The following SOX5 variants were observed in gnomAD, a reference collection of about 807,000 sequenced individuals.
SOX5 encodes the protein SRY-box transcription factor 5, also known as transcription factor SOX-5.
A neutral mutation model predicts 92.0 loss-of-function variants in SOX5; 9 were observed. That is an observed-to-expected ratio of 0.10 (90% CI 0.06 to 0.17). SOX5 has a LOEUF of 0.17. Among genes scored for constraint, SOX5 ranks in the 10% least tolerant of loss-of-function variants. The pLI is 1.00. For synonymous variants in SOX5, 344 were observed against 336.3 expected, an observed-to-expected ratio of 1.02 and a Z score of -0.25; for missense variants, 642 against 944.5, an observed-to-expected ratio of 0.68 and a Z score of 4.20.
chr12:24,014,423 T>C (rs1368767849), intron 4 of SOX5, among the ~76,000 whole-genome samples: 1 of 152,220 alleles, frequency 6.6e-6, no homozygotes, highest in Non-Finnish European at 1.5e-5. Context: ...TTTTAGCCTC[T>C]TTCAGTTCCT....
At chr12:23,565,825 A>G (rs1217820629) in intron 10 of SOX5, among the ~76,000 whole-genome samples, 1 of 152,198 alleles carries the variant, frequency 6.6e-6, no homozygotes, top group Non-Finnish European at 1.5e-5. Flanking sequence ...ACAACATTCA[A>G]TCTTAATATG....
intron 4 of SOX5, among the ~76,000 whole-genome samples, chr12:24,144,426 C>T (rs1388775403): frequency 3.9e-5 from 6 of 152,106 alleles, no homozygotes; most frequent in Admixed American, 3.3e-4. Context: ...TTTAAACCTA[C>T]CTAAAAGATA....
At chr12:23,987,567 C>T (rs746520967) in intron 4 of SOX5, among the ~76,000 whole-genome samples, 15 of 152,172 alleles carry the variant, frequency 9.9e-5, no homozygotes, top group African/African-American at 1.4e-4. Flanking sequence ...CCAAGGTGGG[C>T]GGATAGCTTT....
intron 6 of SOX5, among the ~76,000 whole-genome samples, chr12:23,724,424 T>C (rs1194605165): frequency 6.6e-6 from 1 of 152,176 alleles, no homozygotes; most frequent in Non-Finnish European, 1.5e-5. Context: ...GGCTGCTCCT[T>C]CTTCTTACCA....
At chr12:24,493,204 A>G (rs1947268485) in intron 1 of SOX5, among the ~76,000 whole-genome samples, 1 of 152,168 alleles carries the variant, frequency 6.6e-6, no homozygotes, top group Non-Finnish European at 1.5e-5. Flanking sequence ...GTCTCTTACC[A>G]GTTTTTTCTA....
At chr12:24,113,921 G>A (rs1292859783) in intron 4 of SOX5, among the ~76,000 whole-genome samples, 2 of 152,202 alleles carry the variant, frequency 1.3e-5, no homozygotes, top group African/African-American at 2.4e-5. Flanking sequence ...CTTTACCACT[G>A]CATGCATGTT....
At chr12:24,061,493 A>C (rs919458323) in intron 4 of SOX5, among the ~76,000 whole-genome samples, 1 of 151,226 alleles carries the variant, frequency 6.6e-6, no homozygotes, top group African/African-American at 2.5e-5. Context: ...CCAGGCAGAA[A>C]TAACATTTAA....
At position 23,533,924 on chromosome 12, in the gene SOX5, G is replaced by A; in HGVS notation, c.*295C>T. On this transcript the variant is annotated 3_prime_UTR_variant, in exon 15 of 15. Coordinates refer to ENST00000451604, the MANE Select transcript of SOX5 (RefSeq NM_006940.6). ...AAAGTTTATTTAAAAAAAAAAAAAA[G>A]TTGACGGGTAAGACTTCAGTGCTTG... is the stretch of plus-strand genomic sequence containing the variant. The A allele has an allele frequency of 4.4e-6, 1 of 229,146 alleles. No individual in the cohort carries two copies. The highest frequency in any genetic ancestry group is 8.6e-6 in the Non-Finnish European group (1 of 116,722). The allele number at this position is 229,146 out of a possible 1,614,324, so 14.2% of individuals were successfully genotyped here. A position where few individuals can be genotyped will look rare whatever the true frequency, so the allele number is the denominator to read the frequency against.
chr12:24,031,830 A>C (rs543960052), intron 4 of SOX5, among the ~76,000 whole-genome samples: 3 of 151,968 alleles, frequency 2.0e-5, no homozygotes, highest in African/African-American at 7.2e-5. Flanking sequence ...GCAAGAACTA[A>C]GGCAGGAGTG....
intron 1 of SOX5, among the ~76,000 whole-genome samples, chr12:24,397,283 T>A (rs989450601): frequency 2.6e-5 from 4 of 152,150 alleles, no homozygotes; most frequent in African/African-American, 9.7e-5. Context: ...TATTTCCATA[T>A]ATCAAATCCC....
At chr12:24,525,509 T>G (rs771232513) in intron 1 of SOX5, among the ~76,000 whole-genome samples, 2 of 152,074 alleles carry the variant, frequency 1.3e-5, no homozygotes, top group Non-Finnish European at 2.9e-5. Context: ...AAAAATGTGT[T>G]AAGAGGGTAG....
chr12:23,956,230 C>A (rs751979043), intron 4 of SOX5, among the ~76,000 whole-genome samples: 3 of 152,114 alleles, frequency 2.0e-5, no homozygotes, highest in East Asian at 1.9e-4. Context: ...AATGTTCAGT[C>A]TACTTGTATC....
upstream of SOX5, among the ~76,000 whole-genome samples, chr12:23,951,580 T>C (rs1945641851): frequency 6.6e-6 from 1 of 152,168 alleles, no homozygotes; most frequent in African/African-American, 2.4e-5. Context: ...TCAAAGCTTA[T>C]AAATTTTTAG....
At chr12:24,199,261 T>A (rs1359936528) in intron 4 of SOX5, among the ~76,000 whole-genome samples, 1 of 152,170 alleles carries the variant, frequency 6.6e-6, no homozygotes, top group Non-Finnish European at 1.5e-5. Context: ...AGGTGAGGGC[T>A]GGAAAGTAGA....
intron 1 of SOX5, among the ~76,000 whole-genome samples, chr12:24,479,219 G>A (rs939025291): frequency 3.3e-5 from 5 of 151,980 alleles, no homozygotes; most frequent in African/African-American, 1.2e-4. Context: ...CCAACTCCCT[G>A]GTAACTCCGA....
chr12:24,385,924 C>CAAAAAAA (rs565354484), intron 1 of SOX5, among the ~76,000 whole-genome samples: 1 of 17,624 alleles, frequency 5.7e-5, no homozygotes, highest in African/African-American at 2.0e-4. Flanking sequence ...AAGACCTTGT[C>CAAAAAAA]ACAAAAAAAA....
intron 14 of SOX5, among the ~76,000 whole-genome samples, chr12:23,535,536 T>C (rs1206991201): frequency 3.3e-5 from 5 of 152,250 alleles, no homozygotes; most frequent in Non-Finnish European, 5.9e-5. Context: ...TTGGAAAGGA[T>C]GAATAGATGA....
rs184663904 is a variant in SOX5, at chr12:24,562,006, A to C, written c.-251+323T>G. Among the ~76,000 whole-genome samples the C allele has an allele frequency of 5.4e-3, 827 of 152,288 alleles. 6 individuals are homozygous for C. The highest frequency in any genetic ancestry group is 0.023 in the South Asian group (112 of 4,822). ...GCAACAGTACGCAGGCTTCCCAACA[A>C]AAATAGAAAGTTATCCCGTCTCCGG... On this transcript the variant is annotated intron_variant, in intron 1 of 4. Coordinates refer to the SOX5 transcript ENST00000446891.
At chr12:24,225,019 C>A (rs566189631) in intron 3 of SOX5, among the ~76,000 whole-genome samples, 1 of 152,232 alleles carries the variant, frequency 6.6e-6, no homozygotes, top group African/African-American at 2.4e-5. Flanking sequence ...TGAAATTTTG[C>A]TTATTTAATT....
Sources: gnomAD v4.1 joint callset for allele counts (sites outside exome capture counted in the v4.1 genomes callset) on GRCh38, gnomAD v4.1.1 for gene constraint, MANE v1.5 for transcripts, NCBI Gene and HGNC (gene_info 2026-07-23, HGNC 2026-07-21) for gene names.